Variants in RIC3 observed in about 807,000 individuals in gnomAD.
The protein encoded by RIC3 is RIC3 acetylcholine receptor chaperone.
A neutral mutation model predicts 27.3 loss-of-function variants in RIC3; 28 were observed. That is an observed-to-expected ratio of 1.02 (90% CI 0.76 to 1.41). The LOEUF is 1.41. Among genes scored for constraint, RIC3 ranks in the 40% most tolerant of loss-of-function variants. The pLI, the probability that RIC3 is intolerant of heterozygous loss-of-function variation, is 0.00. For missense variants in RIC3, 501 were observed against 444.7 expected, an observed-to-expected ratio of 1.13 and a Z score of -1.14; for synonymous variants, 184 against 160.4, an observed-to-expected ratio of 1.15 and a Z score of -1.11.
the RIC3 span, among the ~76,000 whole-genome samples, chr11:8,096,517 A>G: frequency 5.9e-5 from 9 of 152,194 alleles, no homozygotes; most frequent in African/African-American, 1.7e-4. Flanking sequence ...GTGTGGGAAT[A>G]TATGTGTGAA....
At position 8,108,742 on chromosome 11, in the gene RIC3, A is replaced by G. The variant is rs1461145077; in HGVS notation, c.*1956T>C. 1 of 152,190 alleles carries G rather than the reference A, an allele frequency of 6.6e-6. No homozygotes were observed. Among genetic ancestry groups the G allele is most frequent in the Non-Finnish European group, 1.5e-5 (1 of 68,044 alleles). 9.4% of individuals were successfully genotyped at this position (152,190 alleles called of 1,614,324 possible). On this transcript the variant is annotated 3_prime_UTR_variant, in exon 6 of 6. Transcript: ENST00000309737. ...GTCACACTGAGTTTTCTGAGGGTAG[A>G]GATTGAGCCTCTGTTCCTAGCACCT...
chr11:8,103,188 G>A (rs1239699080), downstream of RIC3: 1 of 152,206 alleles, frequency 6.6e-6, no homozygotes, highest in Non-Finnish European at 1.5e-5. Flanking sequence ...CTGGGCCTGA[G>A]CCTAACTCCC....
intron 1 of RIC3, among the ~76,000 whole-genome samples, chr11:8,149,796 G>C (rs184937959): frequency 1.3e-5 from 2 of 152,212 alleles, no homozygotes; most frequent in South Asian, 2.1e-4. Context: ...CGCAAACCAC[G>C]ATTAGCCTTT....
chr11:8,119,403 T>C (rs12421415), intron 5 of RIC3, among the ~76,000 whole-genome samples: 83 of 152,208 alleles, frequency 5.5e-4, no homozygotes, highest in Admixed American at 4.8e-3. Flanking sequence ...CATCTACAAC[T>C]ATCTGATCTT....
chr11:8,167,795 C>T (rs1437004451), intron 1 of RIC3, among the ~76,000 whole-genome samples: 1 of 151,914 alleles, frequency 6.6e-6, no homozygotes, highest in African/African-American at 2.4e-5. Flanking sequence ...AGAACAAATA[C>T]GCAAAGATGT....
chr11:8,164,901 C>T (rs987293304), intron 1 of RIC3, among the ~76,000 whole-genome samples: 6 of 150,682 alleles, frequency 4.0e-5, no homozygotes, highest in African/African-American at 1.2e-4. Context: ...TGAATAAACA[C>T]ACAAAAAATG....
intron 1 of RIC3, among the ~76,000 whole-genome samples, chr11:8,145,502 CTT>C (rs1949587316): frequency 6.6e-6 from 1 of 152,154 alleles, no homozygotes; most frequent in African/African-American, 2.4e-5. Context: ...TGGAGGAGGA[CTT>C]TAAGTACTCA....
At chr11:8,163,045 ACACACATACACACACACACACACC>A (rs1187999864) in intron 1 of RIC3, among the ~76,000 whole-genome samples, 2 of 139,628 alleles carry the variant, frequency 1.4e-5, no homozygotes, top group East Asian at 4.0e-4. Flanking sequence ...ACACACACAC[ACACACATACACACACACACACACC>A]CCCCAAAACA....
the RIC3 span, chr11:8,094,156 G>A: frequency 3.0e-4 from 492 of 1,613,902 alleles, no homozygotes; most frequent in Non-Finnish European, 3.6e-4. Flanking sequence ...CCAGGGTGGC[G>A]CCGCTAGGAA....
chr11:8,135,157 GT>G (rs1356156932), intron 4 of RIC3, among the ~76,000 whole-genome samples: 16 of 152,164 alleles, frequency 1.1e-4, no homozygotes, highest in Non-Finnish European at 2.2e-4. Flanking sequence ...ATTAATTTTT[GT>G]ATAAGGTGTA....
intron 5 of RIC3, among the ~76,000 whole-genome samples, chr11:8,117,006 C>G (rs1945923008): frequency 1.3e-5 from 2 of 152,216 alleles, no homozygotes; most frequent in African/African-American, 4.8e-5. Flanking sequence ...TAGCATCAAT[C>G]TGAACATCCA....
downstream of RIC3, chr11:8,101,535 C>A (rs780444298): frequency 5.6e-6 from 9 of 1,614,240 alleles, no homozygotes; most frequent in Admixed American, 1.5e-4. Context: ...ATGTGTTCAC[C>A]ATGGATTACA....
intron 4 of RIC3, among the ~76,000 whole-genome samples, chr11:8,133,901 T>C (rs1212838568): frequency 6.6e-6 from 1 of 152,094 alleles, no homozygotes; most frequent in Non-Finnish European, 1.5e-5. Context: ...AATATCTTCA[T>C]GTTGTCTCTT....
In RIC3 at chr11:8,168,856, C is replaced by T; in HGVS notation, c.124+10G>A. ...GCCGGGAAGCTCAGAGGGAGCTGGC[C>T]TGCTCTTACCTTCAGGTGTCGGCGG... On this transcript the variant is annotated intron_variant, in intron 1 of 5. Coordinates refer to ENST00000309737, the MANE Select transcript of RIC3 (RefSeq NM_001206671.4). The T allele has an allele frequency of 1.9e-6, 3 of 1,611,020 alleles. No homozygotes were observed. The highest frequency in any genetic ancestry group is 2.5e-6 in the Non-Finnish European group (3 of 1,178,416).
intron 1 of RIC3, among the ~76,000 whole-genome samples, chr11:8,157,655 C>T (rs1950789570): frequency 6.6e-6 from 1 of 152,180 alleles, no homozygotes; most frequent in Admixed American, 6.5e-5. Context: ...TCTTTGCTGA[C>T]CTGATTTGGA....
At chr11:8,118,179 T>C (rs2133439687) in intron 5 of RIC3, among the ~76,000 whole-genome samples, 1 of 142,868 alleles carries the variant, frequency 7.0e-6, no homozygotes, top group South Asian at 2.2e-4. Context: ...GCCAAGACCC[T>C]GCCACTGCAC....
At chr11:8,136,535 T>C (rs182548989) in intron 4 of RIC3, among the ~76,000 whole-genome samples, 49 of 152,348 alleles carry the variant, frequency 3.2e-4, no homozygotes, top group Admixed American at 2.9e-3. Flanking sequence ...ATCAACCTCC[T>C]GAAGCCACCC....
At position 8,110,735 on chromosome 11, in the gene RIC3, C is replaced by T. The variant is rs1945146129; in HGVS notation, c.1073G>A (p.Ser358Asn). 4.3e-6 allele frequency: 7 copies of T among 1,614,228 alleles called. No homozygotes were observed. The highest frequency in any genetic ancestry group is 5.1e-6 in the Non-Finnish European group (6 of 1,180,030). ...GISTDKAYTGSMLRKRNPQGL... is the reference protein window; with the variant it reads ...GISTDKAYTGNMLRKRNPQGL... Reference sequence around the variant, plus strand: ...CTGGGGGTTACGCTTCCTCAGCATGCTGCCTGTATATGCTTTATCGGTGCT... The same window carrying T: ...CTGGGGGTTACGCTTCCTCAGCATGTTGCCTGTATATGCTTTATCGGTGCT... Residue 358 changes from serine (S) to asparagine (N), a missense_variant, in exon 6 of 6, where the codon AGC becomes AAC. Ser to Asn is a conservative substitution (Grantham distance 46, BLOSUM62 1). Coordinates refer to ENST00000309737, the MANE Select transcript of RIC3 (RefSeq NM_001206671.4).
chr11:8,141,099 G>A (rs1226517922), intron 1 of RIC3, among the ~76,000 whole-genome samples: 10 of 148,868 alleles, frequency 6.7e-5, no homozygotes, highest in East Asian at 2.0e-4. Context: ...AAAGACCATC[G>A]AGACTAGGAA....
Sources: allele counts gnomAD v4.1 joint callset (sites outside exome capture counted in the v4.1 genomes callset), GRCh38; gene constraint gnomAD v4.1.1; transcripts MANE v1.5; gene names NCBI Gene and HGNC (gene_info 2026-07-23, HGNC 2026-07-21).